The following DGKH variants were observed in gnomAD, a reference collection of about 807,000 sequenced individuals.
DGKH encodes the protein DAG kinase eta.
In DGKH, 90 loss-of-function variants were observed where a neutral mutation model predicts 159.3. The ratio of observed to expected loss-of-function variants is 0.57; its 90% confidence interval spans 0.48 to 0.67. The LOEUF is 0.67. Ranked by LOEUF, DGKH falls within the 30% of genes least tolerant of loss-of-function variation. DGKH has a pLI of 0.00. For missense variants in DGKH, 1,181 were observed against 1,506.1 expected, an observed-to-expected ratio of 0.78 and a Z score of 3.57; for synonymous variants, 536 against 553.8, an observed-to-expected ratio of 0.97 and a Z score of 0.45.
intron 5 of DGKH, among the ~76,000 whole-genome samples, chr13:42,158,259 T>G (rs1417580517): frequency 6.6e-6 from 1 of 152,220 alleles, no homozygotes; most frequent in Admixed American, 6.5e-5. Flanking sequence ...AATGATTGAC[T>G]TAGAAATCCA....
chr13:42,158,385 C>A (rs1345890773), intron 5 of DGKH, among the ~76,000 whole-genome samples: 1 of 152,150 alleles, frequency 6.6e-6, no homozygotes, highest in Non-Finnish European at 1.5e-5. Context: ...CAGGAGCTGA[C>A]CTAATATCAG....
At chr13:42,164,663 T>G (rs910433546) in intron 7 of DGKH, among the ~76,000 whole-genome samples, 2 of 152,208 alleles carry the variant, frequency 1.3e-5, no homozygotes. Context: ...CTTGTTTTTG[T>G]TCTCAGTAGT....
chr13:42,069,024 CTT>C (rs1159384502), intron 1 of DGKH: 1 of 1,458,978 alleles, frequency 6.9e-7, no homozygotes, highest in African/African-American at 1.4e-5. Flanking sequence ...CCTGTATTGA[CTT>C]AAGTGGTGAC....
chr13:42,162,855 T>A (rs1465607541), intron 7 of DGKH, among the ~76,000 whole-genome samples: 1 of 147,344 alleles, frequency 6.8e-6, no homozygotes, highest in Non-Finnish European at 1.5e-5. Context: ...ATTTTGCGTA[T>A]GTCTTTTTTT....
chr13:42,208,580 G>A (rs1477560197), intron 21 of DGKH, among the ~76,000 whole-genome samples: 3 of 151,548 alleles, frequency 2.0e-5, no homozygotes, highest in African/African-American at 4.8e-5. Context: ...ACACTATATC[G>A]CCTTTGTAGT....
At chr13:42,086,706 C>G (rs150664586) in intron 1 of DGKH, among the ~76,000 whole-genome samples, 1 of 152,098 alleles carries the variant, frequency 6.6e-6, no homozygotes, top group Non-Finnish European at 1.5e-5. Flanking sequence ...AGACCACAGG[C>G]AGGACATGAC....
At chr13:42,157,267 T>C (rs921767381) in intron 5 of DGKH, among the ~76,000 whole-genome samples, 1 of 152,192 alleles carries the variant, frequency 6.6e-6, no homozygotes, top group African/African-American at 2.4e-5. Context: ...AATATGGTAT[T>C]ATTTTAAAGA....
rs1056632518 is a variant in DGKH at position 42,240,246 on chromosome 13, G to C, written c.*11058G>C. 6.6e-6 allele frequency: 1 copy of C among 152,206 alleles called. No individual in the cohort carries two copies. Among genetic ancestry groups the C allele is most frequent in the Non-Finnish European group, 1.5e-5 (1 of 68,032 alleles). The allele number at this position is 152,206 out of a possible 1,614,324, so 9.4% of individuals were successfully genotyped here. ...AATTCCACATGAAAGTCCACATGAG[G>C]TAAGTGTGCATTCATGAGCATGTGT... On this transcript the variant is annotated 3_prime_UTR_variant, in exon 30 of 30. Transcript: ENST00000337343.
At chr13:42,096,219 C>T (rs763648268) in intron 1 of DGKH, among the ~76,000 whole-genome samples, 2 of 151,788 alleles carry the variant, frequency 1.3e-5, no homozygotes, top group Non-Finnish European at 2.9e-5. Context: ...CAGTACCCAA[C>T]AGTTAATTTT....
chr13:42,139,620 G>A (rs984912494), intron 3 of DGKH, among the ~76,000 whole-genome samples: 3 of 152,132 alleles, frequency 2.0e-5, no homozygotes, highest in African/African-American at 7.2e-5. Context: ...GTCCTAGTCT[G>A]TTGCACAGCA....
intron 1 of DGKH, among the ~76,000 whole-genome samples, chr13:42,050,124 A>C (rs1465349830): frequency 6.6e-6 from 1 of 152,162 alleles, no homozygotes; most frequent in African/African-American, 2.4e-5. Context: ...TAATCCCAGC[A>C]CTTTGGGAGG....
intron 21 of DGKH, among the ~76,000 whole-genome samples, chr13:42,207,127 TTCC>T (rs1566192549): frequency 0.026 from 1,531 of 58,098 alleles, 160 homozygotes; most frequent in Middle Eastern, 0.079. Flanking sequence ...TTCTCTCTCC[TTCC>T]TTCCTTCCTT....
chr13:42,146,351 T>C (rs890653069), intron 3 of DGKH, among the ~76,000 whole-genome samples: 7 of 151,782 alleles, frequency 4.6e-5, no homozygotes, highest in South Asian at 2.1e-4. Context: ...TAGGACAGAG[T>C]GTAAAGAAAG....
At chr13:42,180,579 T>C (rs1956724950) in intron 13 of DGKH, among the ~76,000 whole-genome samples, 1 of 152,240 alleles carries the variant, frequency 6.6e-6, no homozygotes, top group Non-Finnish European at 1.5e-5. Flanking sequence ...TCAGATGTTT[T>C]CTTTGACCTT....
chr13:42,189,145 C>T lies in DGKH; in HGVS notation c.1748C>T (p.Ala583Val). The change falls in exon 15 of 30, where the codon GCT (alanine) becomes GTT (valine). Residue 583 changes from alanine (A) to valine (V), a missense_variant. Ala to Val is a moderately conservative substitution (Grantham distance 64). Transcript: ENST00000337343. ...GLSPLIVEED[A>V]VESSSEESLG... is the part of the protein sequence containing the mutation. ...AGCCCTCTCATTGTGGAAGAAGATG[C>T]TGTGGAATCGTCCAGTGAAGAGTCC... 1 of 1,614,240 alleles carries T rather than the reference C, an allele frequency of 6.2e-7. No homozygotes were observed. Among genetic ancestry groups the T allele is most frequent in the South Asian group, 1.1e-5 (1 of 91,086 alleles).
intron 1 of DGKH, among the ~76,000 whole-genome samples, chr13:42,103,936 T>G (rs1226363808): frequency 1.3e-5 from 2 of 152,150 alleles, no homozygotes; most frequent in African/African-American, 4.8e-5. Flanking sequence ...GATTACGGAT[T>G]AGATGGTAGG....
At chr13:42,214,394 A>G (rs1033446545) in intron 24 of DGKH, 113 bp from the exon 25 acceptor site, 2 of 975,598 alleles carry the variant, frequency 2.1e-6, no homozygotes, top group East Asian at 2.7e-5. Flanking sequence ...GTGTTCTTCC[A>G]TACTGATCTT....
Position 42,219,782 on chromosome 13 carries a change from A to G in DGKH, c.3430A>G (p.Ser1144Gly). Residue 1144 changes from serine (S) to glycine (G), a missense_variant, in exon 28 of 30, where the codon AGT becomes GGT. Physicochemically the swap from Ser to Gly is moderately conservative, Grantham distance 56. Transcript: ENST00000337343. Reference protein sequence around the residue: ...KKEKVQKQKTSSQPVQKWGTE... With the variant: ...KKEKVQKQKTGSQPVQKWGTE... The stretch of plus-strand genomic sequence containing the variant: ...GGAAAAGGTTCAGAAGCAGAAGACA[A>G]GTTCACAGCCTGGTAGGTGGTCCAT... The G allele has an allele frequency of 6.2e-7, 1 of 1,613,536 alleles. No homozygotes were observed. Among genetic ancestry groups the G allele is most frequent in the Non-Finnish European group, 8.5e-7 (1 of 1,179,606 alleles).
chr13:42,215,614 G>A lies in DGKH; in HGVS notation c.3160G>A (p.Val1054Met), dbSNP rs956131455. The change falls in exon 26 of 30, where the codon GTG becomes ATG. Residue 1054 changes from valine (V) to methionine (M), a missense_variant. Transcript: ENST00000337343. ...CACTGCCACTGAAATAGCCATCAAT[G>A]TGAAGGCGCTGTATAATGAAACAGA... Reference protein sequence around the residue: ...RDTATEIAINVKALYNETESL... With the variant: ...RDTATEIAINMKALYNETESL... The A allele has an allele frequency of 6.2e-7, 1 of 1,611,672 alleles. No individual in the cohort carries two copies. The highest frequency in any genetic ancestry group is 8.5e-7 in the Non-Finnish European group (1 of 1,178,670).
Sources: allele counts gnomAD v4.1 joint callset (sites outside exome capture counted in the v4.1 genomes callset), GRCh38; gene constraint gnomAD v4.1.1; transcripts MANE v1.5; gene names NCBI Gene and HGNC (gene_info 2026-07-23, HGNC 2026-07-21).